The following LRRC69 variants were observed in gnomAD, a reference collection of about 807,000 sequenced individuals.
The protein encoded by LRRC69 is leucine-rich repeat-containing protein 69.
In LRRC69, 42 loss-of-function variants were observed where a neutral mutation model predicts 37.8. The ratio of observed to expected loss-of-function variants is 1.11; its 90% CI spans 0.87 to 1.44. The LOEUF (loss-of-function observed/expected upper bound fraction) is 1.44. LRRC69 is among the 40% of genes most tolerant of loss of function. LRRC69 has a pLI of 0.00. For synonymous variants in LRRC69, 141 were observed against 143.1 expected (o/e 0.99, Z 0.11); for missense variants, 357 against 401.9 (o/e 0.89, Z 0.96).
At chr8:91,206,713 C>T (rs1030767636) in intron 7 of LRRC69, 57 of 1,289,590 alleles carry the variant, frequency 4.4e-5, no homozygotes, top group African/African-American at 6.1e-5. Flanking sequence ...CTAATACAAG[C>T]AACAACAGCC....
At chr8:91,103,249 A>G (rs759462696) in intron 1 of LRRC69, among the ~76,000 whole-genome samples, 3 of 152,156 alleles carry the variant, frequency 2.0e-5, no homozygotes, top group Non-Finnish European at 2.9e-5. Context: ...TTGCATTTAG[A>G]ATGAAGAGAC....
chr8:91,168,486 T>C (rs1339392551), intron 5 of LRRC69, among the ~76,000 whole-genome samples: 1 of 151,946 alleles, frequency 6.6e-6, no homozygotes, highest in Non-Finnish European at 1.5e-5. Context: ...TTGTTTTTCC[T>C]ATAAATTGGA....
chr8:91,137,710 A>G (rs866376315), intron 5 of LRRC69, among the ~76,000 whole-genome samples: 5 of 152,164 alleles, frequency 3.3e-5, no homozygotes, highest in African/African-American at 1.2e-4. Flanking sequence ...CTCACATAAG[A>G]TGATCTGCAA....
intron 5 of LRRC69, among the ~76,000 whole-genome samples, chr8:91,174,830 A>T (rs1809195957): frequency 6.6e-6 from 1 of 152,204 alleles, no homozygotes; most frequent in Non-Finnish European, 1.5e-5. Flanking sequence ...TTGAAAGAAC[A>T]TCACTAGGTA....
rs56260731 is a variant in LRRC69 at position 91,196,922 on chromosome 8, G to T, written c.754-3691G>T. Reference sequence around the variant, plus strand: ...CTTTGGAGGAGGAGAGGCGCTCTGCGTTTTAGAGTTTCCAGTTTTTCTGTT... The same window carrying T: ...CTTTGGAGGAGGAGAGGCGCTCTGCTTTTTAGAGTTTCCAGTTTTTCTGTT... On this transcript the variant is annotated intron_variant, in intron 6 of 7. Transcript: ENST00000448384. Among the ~76,000 whole-genome samples, 229 of 151,846 alleles carry T rather than the reference G, an allele frequency of 1.5e-3. 1 individual carries two copies. The highest frequency in any genetic ancestry group is 4.0e-3 in the African/African-American group (166 of 41,456).
Position 91,216,282 on chromosome 8 carries a change from A to G in LRRC69, c.934-2608A>G, listed in dbSNP as rs140804211. On this transcript the variant is annotated intron_variant, in intron 7 of 7. Transcript: ENST00000448384. ...ACAGACACTTTGCATTCCTGCTTGC[A>G]ATAAGAGCCAACCTAAACTCTGCCC... Among the ~76,000 whole-genome samples, 27 of 152,282 alleles carry G rather than the reference A, an allele frequency of 1.8e-4. No homozygotes were observed. The East Asian group carries it at 4.4e-3, about 25-fold the overall frequency.
chr8:91,104,836 A>AT (rs1387502952), intron 1 of LRRC69, among the ~76,000 whole-genome samples: 1 of 151,970 alleles, frequency 6.6e-6, no homozygotes, highest in Non-Finnish European at 1.5e-5. Context: ...ATATCTGAAA[A>AT]TTTCTGTATT....
chr8:91,214,233 G>T (rs1006400822), intron 7 of LRRC69, among the ~76,000 whole-genome samples: 1 of 152,100 alleles, frequency 6.6e-6, no homozygotes, highest in African/African-American at 2.4e-5. Context: ...CCTCTGAGGG[G>T]TGTGAAGGAG....
intron 1 of LRRC69, among the ~76,000 whole-genome samples, chr8:91,119,853 C>T (rs1311130297): frequency 6.6e-6 from 1 of 151,972 alleles, no homozygotes; most frequent in Non-Finnish European, 1.5e-5. Flanking sequence ...CTTCCTACTA[C>T]CCTTGATGAA....
At chr8:91,127,313 A>T (rs1005163293) in intron 3 of LRRC69, among the ~76,000 whole-genome samples, 153 bp downstream of exon 3, 2 of 151,960 alleles carry the variant, frequency 1.3e-5, no homozygotes, top group Admixed American at 6.6e-5. Flanking sequence ...CACTAATTTT[A>T]AGCAGATGAT....
intron 7 of LRRC69, among the ~76,000 whole-genome samples, chr8:91,217,116 G>A (rs1195133403): frequency 2.6e-5 from 4 of 152,076 alleles, no homozygotes; most frequent in African/African-American, 7.2e-5. Flanking sequence ...GTGTGTGTGT[G>A]TATGATTATT....
intron 5 of LRRC69, among the ~76,000 whole-genome samples, chr8:91,166,950 A>G (rs1209793122): frequency 6.6e-6 from 1 of 151,202 alleles, no homozygotes; most frequent in Non-Finnish European, 1.5e-5. Context: ...CCCCACCTAC[A>G]CTCCGGTGCC....
chr8:91,192,605 A>G (rs1255570904), intron 6 of LRRC69, among the ~76,000 whole-genome samples: 1 of 151,980 alleles, frequency 6.6e-6, no homozygotes, highest in Non-Finnish European at 1.5e-5. Flanking sequence ...AGTGATGATG[A>G]GCATTTTTTC....
Position 91,200,594 on chromosome 8 carries a change from AT to A in LRRC69, c.754-9del, listed in dbSNP as rs747475808. 1.7e-3 allele frequency: 2,123 copies of A among 1,261,810 alleles called. No homozygotes were observed. Among genetic ancestry groups the A allele is most frequent in the South Asian group, 4.0e-3 (218 of 55,028 alleles). 78.2% of individuals were successfully genotyped at this position (1,261,810 alleles called of 1,614,324 possible). A position where few individuals can be genotyped will look rare whatever the true frequency, so the allele number is the denominator to read the frequency against. On this transcript the variant is annotated intron_variant, in intron 6 of 7. Coordinates refer to ENST00000448384, the Ensembl canonical transcript of LRRC69. Reference sequence around the variant, plus strand: ...TTTTGAAAACAATCTGAGGAACTGTATTTTTTTTTTCAATTTAGGAAATAAC... The same window carrying A: ...TTTTGAAAACAATCTGAGGAACTGTATTTTTTTTTCAATTTAGGAAATAAC...
At chr8:91,212,116 C>T (rs560816596) in intron 7 of LRRC69, among the ~76,000 whole-genome samples, 20 of 152,158 alleles carry the variant, frequency 1.3e-4, no homozygotes, top group Admixed American at 1.3e-3. Context: ...TCAATAATTT[C>T]AATGTAGTTG....
chr8:91,164,279 GT>G (rs34156807), intron 5 of LRRC69, among the ~76,000 whole-genome samples: 7,954 of 151,676 alleles, frequency 0.052, 298 homozygotes, highest in Middle Eastern at 0.16. Context: ...TATAATGAGG[GT>G]TAAAAACTAA....
chr8:91,150,259 A>G (rs1808708201), intron 5 of LRRC69, among the ~76,000 whole-genome samples: 2 of 151,968 alleles, frequency 1.3e-5, no homozygotes, highest in South Asian at 2.1e-4. Context: ...GATACATCCC[A>G]TCAATACCTA....
intron 5 of LRRC69, among the ~76,000 whole-genome samples, chr8:91,184,339 G>A (rs1312899144): frequency 6.6e-6 from 1 of 151,430 alleles, no homozygotes; most frequent in African/African-American, 2.4e-5. Flanking sequence ...ATAAACATTT[G>A]TCTCTTTTAA....
intron 6 of LRRC69, among the ~76,000 whole-genome samples, chr8:91,195,775 T>A (rs138783175): frequency 0.5 from 75,682 of 151,336 alleles, 19,584 homozygotes; most frequent in South Asian, 0.61. Flanking sequence ...TACAGCACAC[T>A]GATGGGTCTT....
Sources: gnomAD v4.1 joint callset for allele counts (sites outside exome capture counted in the v4.1 genomes callset) on GRCh38, gnomAD v4.1.1 for gene constraint, MANE v1.5 for transcripts, NCBI Gene and HGNC (gene_info 2026-07-23, HGNC 2026-07-21) for gene names.